Variants in REV3L observed in about 807,000 individuals in gnomAD.
REV3L encodes DNA polymerase zeta catalytic subunit.
REV3L carries 69 observed loss-of-function variants against 299.4 expected under a neutral mutation model. That is an observed-to-expected ratio of 0.23 (90% CI 0.19 to 0.28). The LOEUF is 0.28. REV3L is among the 10% of genes least tolerant of loss of function. The probability of loss-of-function intolerance (pLI) is 1.00; values close to 1 mark genes in which losing one functional copy is unlikely to be tolerated. For missense variants in REV3L, 3,128 were observed against 3,693.8 expected, an observed-to-expected ratio of 0.85 and a Z score of 3.97; for synonymous variants, 1,238 against 1,271.4, an observed-to-expected ratio of 0.97 and a Z score of 0.56.
chr6:111,480,901 G>C (rs1237479548), intron 1 of REV3L, among the ~76,000 whole-genome samples: 3 of 148,312 alleles, frequency 2.0e-5, no homozygotes, highest in Non-Finnish European at 4.5e-5. Flanking sequence ...GGATTAAATA[G>C]GAAATAGTTA....
intron 1 of REV3L, among the ~76,000 whole-genome samples, chr6:111,428,648 AG>A (rs1786476915): frequency 6.6e-6 from 1 of 152,158 alleles, no homozygotes; most frequent in African/African-American, 2.4e-5. Context: ...GTGAGCTCAA[AG>A]ACAGGCTATT....
chr6:111,454,620 G>A (rs1014882029), intron 1 of REV3L, among the ~76,000 whole-genome samples: 1 of 151,998 alleles, frequency 6.6e-6, no homozygotes, highest in South Asian at 2.1e-4. Flanking sequence ...GACTATTGTA[G>A]GTATCTCATA....
In REV3L at chr6:111,359,023, G is replaced by A. The variant is rs757597040; in HGVS notation, c.6880-9C>T. The A allele has an allele frequency of 4.4e-5, 70 of 1,596,426 alleles. No individual in the cohort carries two copies. The highest frequency in any genetic ancestry group is 5.2e-5 in the Admixed American group (3 of 58,194). ...AGGGTAAGATTTTGTATCTATAAAAGCAAATAAATACTATGTTTTTAAAAC... is the reference window on the plus strand; with the variant it reads ...AGGGTAAGATTTTGTATCTATAAAAACAAATAAATACTATGTTTTTAAAAC... On this transcript the variant is annotated splice_polypyrimidine_tract_variant and intron_variant, in intron 16 of 31. Transcript: ENST00000368802.
chr6:111,401,275 G>A (rs1489458772), intron 4 of REV3L, among the ~76,000 whole-genome samples: 2 of 152,282 alleles, frequency 1.3e-5, no homozygotes, highest in East Asian at 1.9e-4. Flanking sequence ...CCTTCACAAA[G>A]ATGGGAGAAA....
intron 1 of REV3L, among the ~76,000 whole-genome samples, chr6:111,423,865 C>T (rs894023818): frequency 3.9e-5 from 6 of 152,038 alleles, no homozygotes; most frequent in Admixed American, 1.3e-4. Context: ...TAATGTCACT[C>T]AAAGAAAACT....
chr6:111,482,932 A>AGCGGCAGCAGCAGCG lies in REV3L; in HGVS notation c.-59_-45dup. The AGCGGCAGCAGCAGCG allele has an allele frequency of 2.0e-6, 3 of 1,482,302 alleles. No homozygotes were observed. The highest frequency in any genetic ancestry group is 2.8e-5 in the East Asian group (1 of 36,128). 91.8% of individuals were successfully genotyped at this position (1,482,302 alleles called of 1,614,324 possible). On this transcript the variant is annotated 5_prime_UTR_variant, in exon 1 of 32. Coordinates refer to ENST00000368802, the MANE Select transcript of REV3L (RefSeq NM_001372078.1). The stretch of plus-strand genomic sequence containing the variant: ...TGCCTCCCTTCACTGGCGACCCGGC[A>AGCGGCAGCAGCAGCG]GCGGCAGCAGCAGCGGCGGCGGCTC...
At chr6:111,456,088 A>G (rs1019546060) in intron 1 of REV3L, among the ~76,000 whole-genome samples, 2 of 152,198 alleles carry the variant, frequency 1.3e-5, no homozygotes, top group African/African-American at 4.8e-5. Context: ...TATTTTTTCT[A>G]GGTTTGTGTA....
intron 1 of REV3L, among the ~76,000 whole-genome samples, chr6:111,464,564 A>G (rs1583088183): frequency 6.6e-6 from 1 of 152,240 alleles, no homozygotes; most frequent in East Asian, 1.9e-4. Context: ...GGAAGAAATA[A>G]AAAGACAGAC....
At chr6:111,360,470 C>CTTTTT (rs71021836) in intron 16 of REV3L, among the ~76,000 whole-genome samples, 2 of 129,530 alleles carry the variant, frequency 1.5e-5, no homozygotes, top group South Asian at 2.3e-4. Flanking sequence ...GTTAAATAAT[C>CTTTTT]TTTTTTTTTT....
At chr6:111,443,815 G>A (rs971208438) in intron 1 of REV3L, among the ~76,000 whole-genome samples, 1 of 152,162 alleles carries the variant, frequency 6.6e-6, no homozygotes, top group African/African-American at 2.4e-5. Flanking sequence ...TTCAGCCATA[G>A]GCTGTTCATT....
At chr6:111,481,626 G>A (rs1365412850) in intron 1 of REV3L, among the ~76,000 whole-genome samples, 4 of 152,076 alleles carry the variant, frequency 2.6e-5, no homozygotes, top group Non-Finnish European at 5.9e-5. Context: ...TGGTGATGAG[G>A]GCAAGGAGCA....
In REV3L at chr6:111,411,475, T is replaced by C; in HGVS notation, c.404+5A>G. ...TTCATATTTTGGTTTCATTTATCTT[T>C]GTACCTTTTCACCATTGTAGGATTG... On this transcript the variant is annotated splice_donor_5th_base_variant and intron_variant, in intron 3 of 31. Coordinates refer to ENST00000368802, the MANE Select transcript of REV3L (RefSeq NM_001372078.1). The C allele has an allele frequency of 6.5e-7, 1 of 1,546,346 alleles. No homozygotes were observed. Among genetic ancestry groups the C allele is most frequent in the South Asian group, 1.2e-5 (1 of 84,064 alleles).
At chr6:111,300,499 ACT>A (rs956717123) in intron 31 of REV3L, among the ~76,000 whole-genome samples, 8 of 152,348 alleles carry the variant, frequency 5.3e-5, no homozygotes, top group Admixed American at 5.2e-4. Context: ...TTTTCAAAGT[ACT>A]TAGACTATAT....
chr6:111,322,748 T>C (rs1774324926), intron 25 of REV3L, 70 bp from the exon 26 acceptor site: 3 of 985,680 alleles, frequency 3.0e-6, no homozygotes, highest in South Asian at 3.1e-5. Flanking sequence ...CTTTAACATA[T>C]AATACATTTA....
At chr6:111,352,029 TG>T (rs1777622331) in intron 18 of REV3L, among the ~76,000 whole-genome samples, 1 of 151,602 alleles carries the variant, frequency 6.6e-6, no homozygotes, top group South Asian at 2.1e-4. Flanking sequence ...TTTTTTGAGA[TG>T]GGGTCTCACT....
chr6:111,439,341 G>A (rs1328381715), intron 1 of REV3L, among the ~76,000 whole-genome samples: 2 of 152,184 alleles, frequency 1.3e-5, no homozygotes, highest in African/African-American at 4.8e-5. Flanking sequence ...CAAATGTACA[G>A]TGCGGTGGTG....
intron 7 of REV3L, among the ~76,000 whole-genome samples, chr6:111,388,720 C>T (rs923982776): frequency 1.3e-5 from 2 of 152,118 alleles, no homozygotes; most frequent in African/African-American, 4.8e-5. Context: ...ATTTCAATGG[C>T]TACATTTTCA....
At chr6:111,353,111 G>A (rs1012088540) in intron 18 of REV3L, among the ~76,000 whole-genome samples, 3 of 152,148 alleles carry the variant, frequency 2.0e-5, no homozygotes, top group Non-Finnish European at 4.4e-5. Context: ...TGTGAGATGT[G>A]CAGCCTGTCC....
chr6:111,310,364 T>G (rs924415171), intron 29 of REV3L: 14 of 259,920 alleles, frequency 5.4e-5, no homozygotes, highest in African/African-American at 2.7e-4. Flanking sequence ...TCAACTAGCT[T>G]AAGATGTATT....
Sources: gnomAD v4.1 joint callset for allele counts (sites outside exome capture counted in the v4.1 genomes callset) on GRCh38, gnomAD v4.1.1 for gene constraint, MANE v1.5 for transcripts, NCBI Gene and HGNC (gene_info 2026-07-23, HGNC 2026-07-21) for gene names.